The following BYSL variants were observed in gnomAD, a reference collection of about 807,000 sequenced individuals.
BYSL encodes the protein bystin like, also known as bystin.
In BYSL, 21 loss-of-function variants were observed where a neutral mutation model predicts 45.4. That is an observed-to-expected ratio of 0.46 (90% confidence interval 0.33 to 0.67). The LOEUF is 0.67. Ranked by LOEUF, BYSL falls within the 30% of genes least tolerant of loss-of-function variation. The pLI is 0.02. For missense variants in BYSL, 522 were observed against 578.5 expected, an observed-to-expected ratio of 0.90 and a Z score of 1.00; for synonymous variants, 215 against 231.3, an observed-to-expected ratio of 0.93 and a Z score of 0.64.
chr6:41,915,019 A>G, the BYSL span, among the ~76,000 whole-genome samples: 2 of 152,260 alleles, frequency 1.3e-5, no homozygotes, highest in African/African-American at 4.8e-5. Flanking sequence ...GCAGTCAATC[A>G]GTAAACAGGG....
the BYSL span, chr6:41,909,068 G>T: frequency 1.5e-6 from 1 of 665,446 alleles, no homozygotes; most frequent in Non-Finnish European, 2.5e-6. Flanking sequence ...CAGGTACTTG[G>T]GAGACTGAGG....
chr6:41,922,940 C>G (rs531611682), intron 1 of BYSL, among the ~76,000 whole-genome samples: 66 of 152,202 alleles, frequency 4.3e-4, no homozygotes, highest in Non-Finnish European at 7.1e-4. Flanking sequence ...TCCCTGCCCC[C>G]ACCATCTCCT....
chr6:41,928,790 C>T (rs1775597404), intron 2 of BYSL, among the ~76,000 whole-genome samples: 1 of 152,146 alleles, frequency 6.6e-6, no homozygotes, highest in Admixed American at 6.6e-5. Flanking sequence ...AGCTGTGAGG[C>T]CTTGGGTGAG....
At chr6:41,918,373 G>A (rs1203025419), upstream of BYSL, among the ~76,000 whole-genome samples, 1 of 151,840 alleles carries the variant, frequency 6.6e-6, no homozygotes, top group African/African-American at 2.4e-5. Flanking sequence ...GCATGGTGGT[G>A]TGCGCCTGTA....
At chr6:41,931,855 G>T in intron 6 of BYSL, 25 bp downstream of exon 6, 1 of 1,594,050 alleles carries the variant, frequency 6.3e-7, no homozygotes, top group South Asian at 1.1e-5. Context: ...GGTGGAAGGG[G>T]GCTGGTCAGT....
the BYSL span, among the ~76,000 whole-genome samples, chr6:41,910,164 T>C: frequency 6.6e-6 from 1 of 152,162 alleles, no homozygotes; most frequent in Admixed American, 6.5e-5. Flanking sequence ...TCTAGCCAAC[T>C]TGGGAAGCAA....
At chr6:41,923,311 CTTT>C (rs35517592) in intron 1 of BYSL, among the ~76,000 whole-genome samples, 4 of 138,798 alleles carry the variant, frequency 2.9e-5, no homozygotes, top group Admixed American at 7.2e-5. Context: ...CCAACTAATT[CTTT>C]TTTTTTTTTT....
At chr6:41,929,565 A>G (rs1165423893) in intron 2 of BYSL, among the ~76,000 whole-genome samples, 1 of 152,216 alleles carries the variant, frequency 6.6e-6, no homozygotes, top group Admixed American at 6.5e-5. Context: ...GCTCAAGGCG[A>G]TGGTAATTCT....
At chr6:41,930,014 G>A in intron 2 of BYSL, 118 bp from the exon 3 acceptor site, 2 of 1,339,412 alleles carry the variant, frequency 1.5e-6, no homozygotes, top group Non-Finnish European at 2.1e-6. Context: ...GCATATCCCA[G>A]CAGGATCGCA....
At chr6:41,917,883 T>C (rs557348733), upstream of BYSL, 1 of 420,326 alleles carries the variant, frequency 2.4e-6, no homozygotes, top group South Asian at 1.7e-5. Flanking sequence ...TTAGAGAACA[T>C]TTCCATCATC....
chr6:41,922,584 C>A (rs180960037), intron 1 of BYSL, among the ~76,000 whole-genome samples: 1 of 152,338 alleles, frequency 6.6e-6, no homozygotes, highest in Non-Finnish European at 1.5e-5. Context: ...CACCTCACTT[C>A]TCAGTATCCT....
chr6:41,925,977 C>A (rs908024067), intron 1 of BYSL, among the ~76,000 whole-genome samples: 1 of 152,238 alleles, frequency 6.6e-6, no homozygotes, highest in Non-Finnish European at 1.5e-5. Context: ...AGCCACCACG[C>A]CCAGCCAACT....
At chr6:41,913,705 C>T in the BYSL span, among the ~76,000 whole-genome samples, 1 of 152,154 alleles carries the variant, frequency 6.6e-6, no homozygotes, top group Non-Finnish European at 1.5e-5. Context: ...CAAGACCAGC[C>T]TGGCCAACAT....
chr6:41,917,709 A>G, upstream of BYSL: 1 of 466,454 alleles, frequency 2.1e-6, no homozygotes, highest in Non-Finnish European at 4.5e-6. Context: ...GCTGAGTCAT[A>G]TAATGAAAAA....
chr6:41,917,699 G>C (rs1775351064), upstream of BYSL: 1 of 461,170 alleles, frequency 2.2e-6, no homozygotes, highest in African/African-American at 2.0e-5. Context: ...ATTCAATAAT[G>C]CTGAGTCATA....
At chr6:41,930,292 A>G (rs753863237) in intron 3 of BYSL, 22 bp downstream of exon 3, 2 of 1,610,250 alleles carry the variant, frequency 1.2e-6, no homozygotes, top group African/African-American at 1.3e-5. Context: ...GAGGGGAGCC[A>G]TGGTGGAAGA....
chr6:41,917,710 T>C (rs371821794), upstream of BYSL: 1 of 466,352 alleles, frequency 2.1e-6, no homozygotes, highest in African/African-American at 2.0e-5. Context: ...CTGAGTCATA[T>C]AATGAAAAAG....
the BYSL span, among the ~76,000 whole-genome samples, chr6:41,916,006 G>C: frequency 6.6e-6 from 1 of 151,914 alleles, no homozygotes; most frequent in Non-Finnish European, 1.5e-5. Context: ...CAGTACTTTG[G>C]GAAGCTGAGG....
intron 1 of BYSL, among the ~76,000 whole-genome samples, chr6:41,925,002 C>T (rs142591392): frequency 3.3e-5 from 5 of 152,176 alleles, no homozygotes; most frequent in East Asian, 1.9e-4. Flanking sequence ...ACGATGGTGC[C>T]GTTTACTGAG....
Sources: allele counts gnomAD v4.1 joint callset (sites outside exome capture counted in the v4.1 genomes callset), GRCh38; gene constraint gnomAD v4.1.1; transcripts MANE v1.5; gene names NCBI Gene and HGNC (gene_info 2026-07-23, HGNC 2026-07-21).